Variants in GALNT10 observed in about 807,000 individuals in gnomAD.
The protein encoded by GALNT10 is GalNAc transferase 10.
GALNT10 carries 41 observed loss-of-function variants against 75.0 expected under a neutral mutation model. That is an observed-to-expected ratio of 0.55 (90% CI 0.43 to 0.71). The LOEUF (loss-of-function observed/expected upper bound fraction) is 0.71, where lower values mean the gene tolerates loss of function less well. GALNT10 is among the 30% of genes least tolerant of loss of function. GALNT10 has a pLI of 0.00. For missense variants in GALNT10, 727 were observed against 818.5 expected (o/e 0.89, Z 1.36); for synonymous variants, 302 against 313.0 (o/e 0.96, Z 0.37).
chr5:154,275,404 T>G (rs746286916), intron 1 of GALNT10, among the ~76,000 whole-genome samples: 4 of 152,236 alleles, frequency 2.6e-5, no homozygotes, highest in Non-Finnish European at 5.9e-5. Flanking sequence ...ACTTATCTTG[T>G]TGAATAGACA....
intron 1 of GALNT10, among the ~76,000 whole-genome samples, chr5:154,218,849 GA>G (rs903438394): frequency 2.2e-4 from 33 of 152,272 alleles, no homozygotes; most frequent in African/African-American, 7.7e-4. Context: ...CTTTCCCCGA[GA>G]GTCAGTGCTG....
At chr5:154,212,924 C>T (rs1018298834) in intron 1 of GALNT10, among the ~76,000 whole-genome samples, 2 of 150,760 alleles carry the variant, frequency 1.3e-5, no homozygotes, top group Non-Finnish European at 2.9e-5. Context: ...GCGGAGATCG[C>T]GCCACTGCTC....
intron 1 of GALNT10, among the ~76,000 whole-genome samples, chr5:154,246,261 A>G (rs1753422205): frequency 6.6e-6 from 1 of 152,218 alleles, no homozygotes; most frequent in East Asian, 1.9e-4. Context: ...TAGTGCTGCA[A>G]TAAACATACG....
chr5:154,247,364 G>C (rs1279147662), intron 1 of GALNT10, among the ~76,000 whole-genome samples: 1 of 152,226 alleles, frequency 6.6e-6, no homozygotes, highest in Non-Finnish European at 1.5e-5. Flanking sequence ...TTGGTAGCTT[G>C]ATGGGGATGG....
Position 154,413,965 on chromosome 5 carries a change from T to A in GALNT10, c.1503+960T>A, listed in dbSNP as rs377225867. Among the ~76,000 whole-genome samples the A allele has an allele frequency of 3.9e-5, 6 of 152,314 alleles. 1 individual carries two copies. The South Asian group carries it at 1.2e-3, about 32-fold the overall frequency. On this transcript the variant is annotated intron_variant, in intron 10 of 11. Transcript: ENST00000297107. Reference sequence around the variant, plus strand: ...ATCCTCTCAAACTCTCAAAAGTCAATAATTTTTTTAATTTTAAAGCGGGCA... The same window carrying A: ...ATCCTCTCAAACTCTCAAAAGTCAAAAATTTTTTTAATTTTAAAGCGGGCA...
At chr5:154,358,804 G>A (rs752502989) in intron 4 of GALNT10, among the ~76,000 whole-genome samples, 5 of 152,138 alleles carry the variant, frequency 3.3e-5, no homozygotes, top group Non-Finnish European at 7.3e-5. Context: ...TTGTGGGGTC[G>A]CATGGCTAGT....
In GALNT10 at chr5:154,401,357, C is replaced by T. The variant is rs532967981; in HGVS notation, c.1057-2747C>T. On this transcript the variant is annotated intron_variant, in intron 7 of 11. Transcript: ENST00000297107. ...CAGAAATAGAGCAGGGTAAGGTGTC[C>T]CACCTGCTCAGGGCCACTGCACCAC... is the stretch of plus-strand genomic sequence containing the variant. Among the ~76,000 whole-genome samples the T allele has an allele frequency of 3.3e-5, 5 of 152,308 alleles. No homozygotes were observed. The South Asian group carries it at 1.0e-3, about 32-fold the overall frequency.
At chr5:154,221,209 G>A (rs1366898250) in intron 1 of GALNT10, among the ~76,000 whole-genome samples, 1 of 152,198 alleles carries the variant, frequency 6.6e-6, no homozygotes, top group Admixed American at 6.5e-5. Flanking sequence ...ACAGACAAGG[G>A]CTAGAATCAG....
chr5:154,304,721 A>G (rs1754406007), intron 3 of GALNT10, among the ~76,000 whole-genome samples: 1 of 152,236 alleles, frequency 6.6e-6, no homozygotes. Context: ...ACCAAGAATA[A>G]TAACATTACT....
At chr5:154,343,043 G>T (rs769365379) in intron 4 of GALNT10, among the ~76,000 whole-genome samples, 7 of 152,026 alleles carry the variant, frequency 4.6e-5, no homozygotes, top group Non-Finnish European at 7.4e-5. Flanking sequence ...TATGAGAGCA[G>T]AGGTTCTCAA....
intron 4 of GALNT10, chr5:154,337,335 A>G (rs1220950124): frequency 6.4e-6 from 3 of 467,572 alleles, no homozygotes; most frequent in Non-Finnish European, 1.2e-5. Flanking sequence ...TGTCTAAAAC[A>G]TGTCTTCTTT....
intron 1 of GALNT10, among the ~76,000 whole-genome samples, chr5:154,198,462 C>T (rs934959958): frequency 6.6e-6 from 1 of 152,198 alleles, no homozygotes; most frequent in Non-Finnish European, 1.5e-5. Flanking sequence ...GGCTGCATAA[C>T]ATTGTCTTTG....
At chr5:154,206,615 G>T (rs1020219940) in intron 1 of GALNT10, among the ~76,000 whole-genome samples, 5 of 152,258 alleles carry the variant, frequency 3.3e-5, no homozygotes, top group Non-Finnish European at 2.9e-5. Flanking sequence ...TGGTCCTGAA[G>T]AAGGTTAAAA....
At chr5:154,405,075 G>A (rs952867132) in intron 8 of GALNT10, among the ~76,000 whole-genome samples, 6 of 152,192 alleles carry the variant, frequency 3.9e-5, no homozygotes, top group South Asian at 2.1e-4. Flanking sequence ...AAGCTGGAAA[G>A]GACCCCCGCA....
chr5:154,415,507 C>T (rs7727641), intron 10 of GALNT10, among the ~76,000 whole-genome samples: 152,177 of 152,178 alleles, frequency 1, 76,088 homozygotes, highest in Non-Finnish European at 1. Context: ...CCCAGCTAAT[C>T]TTTGTATTTT....
At position 154,398,786 on chromosome 5, in the gene GALNT10, C is replaced by T. The variant is rs1416045188; in HGVS notation, c.1057-5318C>T. Among the ~76,000 whole-genome samples the T allele has an allele frequency of 2.0e-5, 3 of 152,190 alleles. No individual in the cohort carries two copies. The East Asian group carries it at 5.8e-4, about 29-fold the overall frequency. On this transcript the variant is annotated intron_variant, in intron 7 of 11. Coordinates refer to ENST00000297107, the MANE Select transcript of GALNT10 (RefSeq NM_198321.4). ...TAGCGAGATTCATAATAATATCATT[C>T]TCTTGGTCACTTGCAGGTTTTGCCA...
intron 4 of GALNT10, among the ~76,000 whole-genome samples, chr5:154,339,391 A>T (rs1476883162): frequency 1.3e-5 from 2 of 152,194 alleles, no homozygotes; most frequent in African/African-American, 4.8e-5. Flanking sequence ...GAAGATTAAA[A>T]CTGTTACAGA....
intron 1 of GALNT10, among the ~76,000 whole-genome samples, chr5:154,253,879 C>T (rs1753567412): frequency 1.3e-5 from 2 of 152,082 alleles, no homozygotes; most frequent in African/African-American, 4.8e-5. Context: ...AGATCTACCT[C>T]AGTGCAGGTC....
In GALNT10 at chr5:154,190,892, T is replaced by C; in HGVS notation, c.26T>C (p.Leu9Pro). 2 of 1,455,050 alleles carry C rather than the reference T, an allele frequency of 1.4e-6. No individual in the cohort carries two copies. Among genetic ancestry groups the C allele is most frequent in the Non-Finnish European group, 1.8e-6 (2 of 1,099,912 alleles). The allele number at this position is 1,455,050 out of a possible 1,614,324, so 90.1% of individuals were successfully genotyped here. ...ATGAGGCGGAAGGAGAAGCGGCTCC[T>C]GCAGGCGGTGGCGCTGGTGCTGGCG... The part of the protein sequence containing the change: MRRKEKRL[L>P]QAVALVLAAL... The change falls in exon 1 of 12, where the codon CTG becomes CCG. Residue 9 changes from leucine to proline, a missense_variant. Leu to Pro is a moderately conservative substitution (Grantham distance 98). Transcript: ENST00000297107.
Sources: gnomAD v4.1 joint callset for allele counts (sites outside exome capture counted in the v4.1 genomes callset) on GRCh38, gnomAD v4.1.1 for gene constraint, MANE v1.5 for transcripts, NCBI Gene and HGNC (gene_info 2026-07-23, HGNC 2026-07-21) for gene names.